KLF12: variants seen among roughly 807,000 people sequenced by gnomAD.
The protein encoded by KLF12 is KLF transcription factor 12, also known as Krueppel-like factor 12.
Under a neutral mutation model 37.8 loss-of-function variants are expected in KLF12, and 9 were observed. That is an observed-to-expected ratio of 0.24 (90% CI 0.14 to 0.42). The LOEUF is 0.42. KLF12 is among the 10% of genes least tolerant of loss of function. The pLI, the probability that KLF12 is intolerant of heterozygous loss-of-function variation, is 1.00. For synonymous variants in KLF12, 208 were observed against 202.1 expected (o/e 1.03, Z -0.25); for missense variants, 411 against 516.0 (o/e 0.80, Z 1.97).
At chr13:73,733,121 A>G (rs1275698576) in intron 6 of KLF12, among the ~76,000 whole-genome samples, 1 of 152,034 alleles carries the variant, frequency 6.6e-6, no homozygotes, top group Non-Finnish European at 1.5e-5. Context: ...CCTTCCCCCC[A>G]GTCTTTTATT....
At chr13:73,730,526 C>A (rs997221264) in intron 6 of KLF12, among the ~76,000 whole-genome samples, 1 of 151,984 alleles carries the variant, frequency 6.6e-6, no homozygotes, top group African/African-American at 2.4e-5. Flanking sequence ...CTCCCCCCAA[C>A]TTATTATATA....
At chr13:74,078,507 C>T (rs1324907) in intron 1 of KLF12, among the ~76,000 whole-genome samples, 62,346 of 152,088 alleles carry the variant, frequency 0.41, 13,992 homozygotes, top group East Asian at 0.81. Context: ...AACACTGTTA[C>T]TTAATTAAAT....
intron 6 of KLF12, among the ~76,000 whole-genome samples, chr13:73,729,228 A>G (rs1876880824): frequency 6.6e-6 from 1 of 152,184 alleles, no homozygotes; most frequent in African/African-American, 2.4e-5. Context: ...TTAAAGTATC[A>G]TGTGTTATTT....
At chr13:73,727,610 T>C (rs4500604) in intron 6 of KLF12, among the ~76,000 whole-genome samples, 24,041 of 152,144 alleles carry the variant, frequency 0.16, 3,206 homozygotes, top group African/African-American at 0.36. Flanking sequence ...TTAGGATCAG[T>C]TTTTAAATTG....
intron 2 of KLF12, among the ~76,000 whole-genome samples, chr13:73,954,041 T>TGC (rs1566480271): frequency 3.5e-5 from 5 of 141,628 alleles, no homozygotes; most frequent in Non-Finnish European, 7.5e-5. Flanking sequence ...TGCAGTGACG[T>TGC]GATCTCGGCT....
the KLF12 span, chr13:74,259,531 G>GA: frequency 6.6e-6 from 1 of 152,080 alleles, no homozygotes; most frequent in African/African-American, 2.4e-5. Context: ...ATTTTTCACA[G>GA]AAAACATAGT....
At chr13:73,819,820 G>C (rs1227565326) in intron 4 of KLF12, among the ~76,000 whole-genome samples, 1 of 152,206 alleles carries the variant, frequency 6.6e-6, no homozygotes, top group Admixed American at 6.5e-5. Flanking sequence ...TTGAGTAAGA[G>C]AAGCTTGCAG....
intron 1 of KLF12, among the ~76,000 whole-genome samples, chr13:74,051,683 G>A (rs1315451544): frequency 6.6e-6 from 1 of 151,964 alleles, no homozygotes; most frequent in Non-Finnish European, 1.5e-5. Context: ...AGAGAAAGGG[G>A]GAGAAAGAAT....
chr13:73,846,126 G>A lies in KLF12; in HGVS notation c.371C>T (p.Ala124Val), dbSNP rs768991101. 1.1e-5 allele frequency: 17 copies of A among 1,613,984 alleles called. No homozygotes were observed. In the South Asian group the frequency reaches 1.9e-4, roughly 18 times the overall value. ...TGATGTGATAACAGTTGGGGATGAG[G>A]CTAGACGACTAGAAGACGATGAAGA... Residue 124 changes from alanine to valine, a missense_variant, in exon 4 of 8, where the codon GCC becomes GTC. Around this residue, in one of 2 missense-constraint regions of KLF12, gnomAD observed 351 missense variants for 397.8 expected, o/e 0.88. Coordinates refer to ENST00000377669, the MANE Select transcript of KLF12 (RefSeq NM_007249.5).
At chr13:74,018,446 T>G (rs1892757204) in intron 1 of KLF12, among the ~76,000 whole-genome samples, 1 of 152,214 alleles carries the variant, frequency 6.6e-6, no homozygotes, top group Non-Finnish European at 1.5e-5. Flanking sequence ...GACATTAAAG[T>G]GTTCTCTCCA....
chr13:73,952,259 C>A (rs1392293418), intron 2 of KLF12, among the ~76,000 whole-genome samples: 1 of 152,180 alleles, frequency 6.6e-6, no homozygotes, highest in Non-Finnish European at 1.5e-5. Context: ...TTAACTGACT[C>A]ACAGTTCCAC....
the KLF12 span, among the ~76,000 whole-genome samples, chr13:74,200,189 CA>C: frequency 0.52 from 78,014 of 150,852 alleles, 20,503 homozygotes; most frequent in East Asian, 0.71. Context: ...TAAGCTTGCT[CA>C]GGGGGGGGGT....
intron 1 of KLF12, among the ~76,000 whole-genome samples, chr13:74,027,375 C>T (rs376249919): frequency 5.9e-5 from 9 of 152,074 alleles, no homozygotes; most frequent in South Asian, 4.1e-4. Flanking sequence ...CCCCACTTCG[C>T]GATGTCTGTT....
At chr13:73,706,528 G>T (rs2137617608) in intron 7 of KLF12, among the ~76,000 whole-genome samples, 1 of 152,298 alleles carries the variant, frequency 6.6e-6, no homozygotes, top group South Asian at 2.1e-4. Flanking sequence ...AGGTTAAAAT[G>T]ACTCTCTTCC....
At position 73,692,868 on chromosome 13, in the gene KLF12, G is replaced by C. The variant is rs1254824219; in HGVS notation, c.*2622C>G. On this transcript the variant is annotated 3_prime_UTR_variant, in exon 8 of 8. Coordinates refer to ENST00000377669, the MANE Select transcript of KLF12 (RefSeq NM_007249.5). ...TTTTATCAGTTAACTTACCATCTCA[G>C]TCTGGTTTCCACTTTCAGAGGATGA... 1 of 152,612 alleles carries C rather than the reference G, an allele frequency of 6.6e-6. No homozygotes were observed. Among genetic ancestry groups the C allele is most frequent in the Non-Finnish European group, 1.5e-5 (1 of 68,046 alleles). 9.5% of individuals were successfully genotyped at this position (152,612 alleles called of 1,614,324 possible). A position where few individuals can be genotyped will look rare whatever the true frequency, so the allele number is the denominator to read the frequency against.
At chr13:74,270,026 G>A in the KLF12 span, among the ~76,000 whole-genome samples, 5 of 152,190 alleles carry the variant, frequency 3.3e-5, no homozygotes, top group Non-Finnish European at 7.3e-5. Context: ...CCAGTGGAGA[G>A]GTCTTAACTG....
chr13:73,785,321 C>T (rs759664664), intron 5 of KLF12, among the ~76,000 whole-genome samples: 1 of 151,938 alleles, frequency 6.6e-6, no homozygotes, highest in East Asian at 1.9e-4. Context: ...CCTATGTTAT[C>T]CAGGCTGGTC....
At chr13:73,905,423 T>C (rs547767432) in intron 3 of KLF12, among the ~76,000 whole-genome samples, 3 of 151,534 alleles carry the variant, frequency 2.0e-5, no homozygotes, top group Admixed American at 6.6e-5. Flanking sequence ...CAAGTAATAG[T>C]ACAATAACTT....
At chr13:73,878,107 G>A (rs573585997) in intron 3 of KLF12, among the ~76,000 whole-genome samples, 4 of 152,100 alleles carry the variant, frequency 2.6e-5, no homozygotes, top group African/African-American at 9.6e-5. Context: ...AACTCCATTG[G>A]CATCTTCCCT....
Sources: gnomAD v4.1 joint callset for allele counts (sites outside exome capture counted in the v4.1 genomes callset) on GRCh38, gnomAD v4.1.1 for gene constraint, gnomAD v4.1.1 regional missense constraint, MANE v1.5 for transcripts, NCBI Gene and HGNC (gene_info 2026-07-23, HGNC 2026-07-21) for gene names.